Variants in NFIB observed in about 807,000 individuals in gnomAD.
NFIB encodes the protein nuclear factor 1 B-type.
Under a neutral mutation model 61.5 loss-of-function variants are expected in NFIB, and 11 were observed. The observed-to-expected ratio is 0.18, with a 90% CI of 0.11 to 0.30. NFIB has a LOEUF of 0.30. Among genes scored for constraint, NFIB ranks in the 10% least tolerant of loss-of-function variants. The pLI is 1.00. For missense variants in NFIB, 471 were observed against 608.9 expected (o/e 0.77, Z 2.38); for synonymous variants, 260 against 216.5 (o/e 1.20, Z -1.76).
the NFIB span, among the ~76,000 whole-genome samples, chr9:14,476,289 C>A: frequency 4.0e-4 from 59 of 147,296 alleles, no homozygotes; most frequent in Non-Finnish European, 7.0e-4. Context: ...GGGAAAAACA[C>A]TCAATTTTAG....
the NFIB span, among the ~76,000 whole-genome samples, chr9:14,498,996 ATGTG>A: frequency 3.1e-4 from 46 of 149,924 alleles, no homozygotes; most frequent in Admixed American, 7.3e-4. Flanking sequence ...AATTGTGTGT[ATGTG>A]TGTGTGTGTG....
chr9:14,277,866 T>C (rs1331074331), intron 2 of NFIB, among the ~76,000 whole-genome samples: 1 of 152,178 alleles, frequency 6.6e-6, no homozygotes, highest in East Asian at 1.9e-4. Context: ...AGAAATTACC[T>C]AAAGAGATAA....
At chr9:14,448,493 G>C in the NFIB span, among the ~76,000 whole-genome samples, 1 of 152,276 alleles carries the variant, frequency 6.6e-6, no homozygotes, top group Middle Eastern at 3.4e-3. Context: ...TATTTCTCCA[G>C]TGCTTCCTTT....
intron 2 of NFIB, among the ~76,000 whole-genome samples, chr9:14,228,221 G>C (rs1301191941): frequency 7.0e-6 from 1 of 143,296 alleles, no homozygotes. Flanking sequence ...TTTTGAGACA[G>C]GGTCTCACTG....
At chr9:14,444,848 C>A in the NFIB span, among the ~76,000 whole-genome samples, 1 of 152,168 alleles carries the variant, frequency 6.6e-6, no homozygotes, top group Non-Finnish European at 1.5e-5. Flanking sequence ...TGTGCACTAT[C>A]TGCCTTCTCC....
At chr9:14,227,555 A>T (rs2052587692) in intron 2 of NFIB, among the ~76,000 whole-genome samples, 1 of 152,206 alleles carries the variant, frequency 6.6e-6, no homozygotes, top group Non-Finnish European at 1.5e-5. Context: ...CCTGAACCTA[A>T]GTAATATGAA....
rs554643129 is a variant in NFIB at position 14,219,993 on chromosome 9, C to T, written c.563-40213G>A. Among the ~76,000 whole-genome samples, 11 of 152,254 alleles carry T rather than the reference C, an allele frequency of 7.2e-5. No individual in the cohort carries two copies. The East Asian group carries it at 1.7e-3, about 24-fold the overall frequency. Reference sequence around the variant, plus strand: ...TACACCAAAAAAACTTTTCCAACTCCAGTCTTGGGAGCGCATCAAAGCAAC... The same window carrying T: ...TACACCAAAAAAACTTTTCCAACTCTAGTCTTGGGAGCGCATCAAAGCAAC... On this transcript the variant is annotated intron_variant, in intron 2 of 10. Transcript: ENST00000380953.
At chr9:14,175,341 T>C (rs2046066627) in intron 3 of NFIB, among the ~76,000 whole-genome samples, 1 of 151,296 alleles carries the variant, frequency 6.6e-6, no homozygotes, top group African/African-American at 2.4e-5. Flanking sequence ...GCCCGGCTAA[T>C]TTTTTTGTAT....
the NFIB span, among the ~76,000 whole-genome samples, chr9:14,499,300 G>T: frequency 8.1e-4 from 124 of 152,264 alleles, 2 homozygotes; most frequent in Middle Eastern, 6.8e-3. Context: ...GGATGGTGGA[G>T]GTAGCAGGAG....
chr9:14,417,874 G>A, the NFIB span, among the ~76,000 whole-genome samples: 9 of 136,288 alleles, frequency 6.6e-5, no homozygotes, highest in Non-Finnish European at 1.5e-5. Context: ...TCTGCCTCCC[G>A]AGTTCAAGTG....
At chr9:14,144,074 T>C (rs868117398) in intron 6 of NFIB, among the ~76,000 whole-genome samples, 7 of 151,072 alleles carry the variant, frequency 4.6e-5, no homozygotes, top group Middle Eastern at 3.2e-3. Context: ...TTCCTTCCTC[T>C]AAACATAATA....
chr9:14,383,631 A>G (rs917917186), intron 1 of NFIB, among the ~76,000 whole-genome samples: 2 of 152,230 alleles, frequency 1.3e-5, no homozygotes, highest in African/African-American at 2.4e-5. Flanking sequence ...CATAGTTGAT[A>G]ACAGATCTCT....
chr9:14,417,774 GTT>G, the NFIB span, among the ~76,000 whole-genome samples: 1,053 of 91,676 alleles, frequency 0.011, 6 homozygotes, highest in African/African-American at 0.041. Flanking sequence ...CCTAGGAACA[GTT>G]TTTTTTTTTT....
chr9:14,377,774 A>G (rs1437114063), intron 1 of NFIB, among the ~76,000 whole-genome samples: 2 of 152,234 alleles, frequency 1.3e-5, no homozygotes, highest in South Asian at 4.1e-4. Context: ...AGACTGGGTT[A>G]TAGATATCCT....
the NFIB span, among the ~76,000 whole-genome samples, chr9:14,506,644 G>C: frequency 3.3e-5 from 5 of 152,154 alleles, no homozygotes; most frequent in African/African-American, 1.2e-4. Flanking sequence ...TGTAGGTTAG[G>C]TTTATTCTAA....
chr9:14,260,874 C>G (rs2056683309), intron 2 of NFIB, among the ~76,000 whole-genome samples: 1 of 152,018 alleles, frequency 6.6e-6, no homozygotes. Flanking sequence ...GGGAGCTACA[C>G]AGATGGTGGC....
At chr9:14,351,564 T>A (rs2061113050) in intron 1 of NFIB, among the ~76,000 whole-genome samples, 1 of 152,214 alleles carries the variant, frequency 6.6e-6, no homozygotes, top group Non-Finnish European at 1.5e-5. Flanking sequence ...GATGGCCCTA[T>A]ACTGTTCACA....
At chr9:14,240,580 G>A (rs890876430) in intron 2 of NFIB, among the ~76,000 whole-genome samples, 2 of 152,122 alleles carry the variant, frequency 1.3e-5, no homozygotes, top group Non-Finnish European at 2.9e-5. Flanking sequence ...AAAAGTATGC[G>A]ACACAGTTTA....
At chr9:14,278,238 T>C (rs961250883) in intron 2 of NFIB, among the ~76,000 whole-genome samples, 5 of 152,220 alleles carry the variant, frequency 3.3e-5, no homozygotes, top group African/African-American at 1.2e-4. Flanking sequence ...TTTGATATTT[T>C]CTTCTGTTGG....
Sources: allele counts gnomAD v4.1 joint callset (sites outside exome capture counted in the v4.1 genomes callset), GRCh38; gene constraint gnomAD v4.1.1; transcripts MANE v1.5; gene names NCBI Gene and HGNC (gene_info 2026-07-23, HGNC 2026-07-21).